Variants in GLI1 observed in about 807,000 individuals in gnomAD.
GLI1 encodes GLI family zinc finger 1.
Under a neutral mutation model 87.8 loss-of-function variants are expected in GLI1, and 51 were observed. The ratio of observed to expected loss-of-function variants is 0.58; its 90% CI spans 0.46 to 0.73. The LOEUF is 0.73. Ranked by LOEUF, GLI1 falls within the 30% of genes least tolerant of loss-of-function variation. GLI1 has a pLI of 0.00. For missense variants in GLI1, 1,292 were observed against 1,437.2 expected (o/e 0.90, Z 1.63); for synonymous variants, 528 against 558.2 (o/e 0.95, Z 0.76).
chr12:57,464,819 T>A lies in GLI1; in HGVS notation c.340T>A (p.Cys114Ser). 6.2e-7 allele frequency: 1 copy of A among 1,611,824 alleles called. No individual in the cohort carries two copies. Among genetic ancestry groups the A allele is most frequent in the Non-Finnish European group, 8.5e-7 (1 of 1,177,996 alleles). The change falls in exon 4 of 12, where the codon TGC becomes AGC. Residue 114 changes from cysteine (C) to serine (S), a missense_variant. Physicochemically the swap from Cys to Ser is moderately radical, Grantham distance 112 (BLOSUM62 -1). This residue lies in a region of GLI1 where 383 missense variants were observed against 368.4 expected (regional missense o/e 1.04). Coordinates refer to ENST00000228682, the MANE Select transcript of GLI1 (RefSeq NM_005269.3). ...SSLVAFINSR[C>S]TSPGGSYGHL... is the part of the protein sequence containing the mutation. ...CCTCGTAGCTTTCATCAACTCGCGA[T>A]GCACATCTCCAGGAGGCTCCTACGG...
chr12:57,464,439 T>A (rs1871339625), intron 3 of GLI1, among the ~76,000 whole-genome samples: 1 of 151,870 alleles, frequency 6.6e-6, no homozygotes, highest in African/African-American at 2.4e-5. Context: ...GGAGAATCAC[T>A]TGAACCTGGG....
In GLI1 at chr12:57,471,359, TC is replaced by T; in HGVS notation, c.2621del (p.Pro874LeufsTer72). The T allele has an allele frequency of 6.3e-7, 1 of 1,595,124 alleles. No homozygotes were observed. The highest frequency in any genetic ancestry group is 8.5e-7 in the Non-Finnish European group (1 of 1,170,914). On this transcript the variant is annotated frameshift_variant, in exon 12 of 12. Coordinates refer to ENST00000228682, the MANE Select transcript of GLI1 (RefSeq NM_005269.3). LOFTEE classifies it high-confidence loss of function. The surrounding 1 kb of genome is among the most constrained non-coding windows in gnomAD (Gnocchi z 4.9). ...ATACCCAGCCACCCCCTGATTATCTTCCTTCAGAACCCAGGCCTTGCCTGGA... is the reference window on the plus strand; with the variant it reads ...ATACCCAGCCACCCCCTGATTATCTTCTTCAGAACCCAGGCCTTGCCTGGA... ...PYTQPPPDYLPSEPRPCLDFD... is the reference protein window; with the variant it reads ...PYTQPPPDYLXSEPRPCLDFD...
At chr12:57,468,412 C>T (rs1407411575) in intron 10 of GLI1, among the ~76,000 whole-genome samples, 188 bp downstream of exon 10, 1 of 152,178 alleles carries the variant, frequency 6.6e-6, no homozygotes, top group East Asian at 1.9e-4. Context: ...CTTTCTGTCT[C>T]ACTCTCTCAC....
In GLI1 at chr12:57,464,727, T is replaced by A; in HGVS notation, c.248T>A (p.Leu83Gln). 1 of 1,614,080 alleles carries A rather than the reference T, an allele frequency of 6.2e-7. No homozygotes were observed. The highest frequency in any genetic ancestry group is 1.3e-5 in the African/African-American group (1 of 75,026). The change falls in exon 4 of 12, where the codon CTG (leucine) becomes CAG (glutamine). Residue 83 changes from leucine to glutamine, a missense_variant. This residue lies in a region of GLI1 where 383 missense variants were observed against 368.4 expected (regional missense o/e 1.04). Transcript: ENST00000228682. ...SAVKLTKKRA[L>Q]SISPLSDASL... is the part of the protein sequence containing the mutation. ...GTCAAGTTGACCAAGAAGCGGGCAC[T>A]GTCCATCTCACCTCTGTCGGATGCC...
intron 3 of GLI1, 134 bp downstream of exon 3, chr12:57,464,225 A>C (rs553681638): frequency 1.4e-6 from 1 of 707,724 alleles, no homozygotes; most frequent in South Asian, 1.6e-5. Context: ...ACCATCAAGA[A>C]GTCACAGATG....
chr12:57,471,355 A>G lies in GLI1; in HGVS notation c.2615A>G (p.Tyr872Cys), dbSNP rs1871923643. The change falls in exon 12 of 12, where the codon TAT (tyrosine) becomes TGT (cysteine). Residue 872 changes from tyrosine (Y) to cysteine (C), a missense_variant. Physicochemically the swap from Tyr to Cys is radical, Grantham distance 194. This residue lies in a region of GLI1 where 897 missense variants were observed against 1,040.7 expected (regional missense o/e 0.86). Coordinates refer to ENST00000228682, the MANE Select transcript of GLI1 (RefSeq NM_005269.3). The surrounding 1 kb of genome is among the most constrained non-coding windows in gnomAD (Gnocchi z 4.9). Reference protein sequence around the residue: ...SGPYTQPPPDYLPSEPRPCLD... With the variant: ...SGPYTQPPPDCLPSEPRPCLD... ...CCCTATACCCAGCCACCCCCTGATT[A>G]TCTTCCTTCAGAACCCAGGCCTTGC... 1 of 1,590,984 alleles carries G rather than the reference A, an allele frequency of 6.3e-7. No homozygotes were observed. The highest frequency in any genetic ancestry group is 1.4e-5 in the African/African-American group (1 of 73,550).
chr12:57,463,138 C>A (rs1439859904), intron 1 of GLI1, among the ~76,000 whole-genome samples: 2 of 152,136 alleles, frequency 1.3e-5, no homozygotes, highest in African/African-American at 2.4e-5. Flanking sequence ...CCAAGAAGAT[C>A]CCCAGAGTAC....
rs751225573 is a variant in GLI1 at position 57,468,223 on chromosome 12, T to C, written c.1307T>C (p.Met436Thr). 5 of 1,607,230 alleles carry C rather than the reference T, an allele frequency of 3.1e-6. No individual in the cohort carries two copies. The Admixed American group carries it at 5.0e-5, about 16-fold the overall frequency. ...AGACTGACTGTGCCAGAGGGTGCCA[T>C]GGTGAGAGAGCCCAGGCAACCCTCA... ...ESRLTVPEGA[M>T]KPQPSPGAQS... Residue 436 changes from methionine to threonine, a missense_variant and splice_region_variant, in exon 10 of 12, where the codon ATG (methionine) becomes ACG (threonine). Met to Thr is a moderately conservative substitution (Grantham distance 81). Around this residue, in one of 3 missense-constraint regions of GLI1, gnomAD observed 897 missense variants for 1,040.7 expected, o/e 0.86. Transcript: ENST00000228682.
rs375756845 is a variant in GLI1 at position 57,465,646 on chromosome 12, G to C, written c.574G>C (p.Glu192Gln). 1.2e-6 allele frequency: 2 copies of C among 1,614,062 alleles called. No homozygotes were observed. Among genetic ancestry groups the C allele is most frequent in the Non-Finnish European group, 1.7e-6 (2 of 1,180,018 alleles). The change falls in exon 6 of 12, where the codon GAG becomes CAG. Residue 192 changes from glutamate (E) to glutamine (Q), a missense_variant. By Grantham distance (29) the Glu-to-Gln change is conservative. Around this residue, in one of 3 missense-constraint regions of GLI1, gnomAD observed 383 missense variants for 368.4 expected, o/e 1.04. Coordinates refer to ENST00000228682, the MANE Select transcript of GLI1 (RefSeq NM_005269.3). The stretch of plus-strand genomic sequence containing the variant: ...GGACATGCTGGTTGGCAAGTGCCGG[G>C]AGGAACCCTTGGAAGGTGATATGTC... ...ELDMLVGKCR[E>Q]EPLEGDMSSP...
chr12:57,461,185 G>A (rs909940946), intron 1 of GLI1, among the ~76,000 whole-genome samples: 1 of 152,230 alleles, frequency 6.6e-6, no homozygotes, highest in Non-Finnish European at 1.5e-5. Flanking sequence ...TGGGGACTGA[G>A]GGTTTTAGGG....
intron 10 of GLI1, among the ~76,000 whole-genome samples, chr12:57,469,152 C>A (rs1565600605): frequency 1.3e-5 from 2 of 152,164 alleles, no homozygotes; most frequent in South Asian, 2.1e-4. Flanking sequence ...CTCACTGTTC[C>A]CATTTTCAGT....
chr12:57,464,694 G>C lies in GLI1; in HGVS notation c.215G>C (p.Arg72Pro), dbSNP rs760192848. The change falls in exon 4 of 12, where the codon CGG becomes CCG. Residue 72 changes from arginine to proline, a missense_variant. Arg to Pro is a moderately radical substitution (Grantham distance 103). This residue lies in a region of GLI1 where 383 missense variants were observed against 368.4 expected (regional missense o/e 1.04). Coordinates refer to ENST00000228682, the MANE Select transcript of GLI1 (RefSeq NM_005269.3). Reference protein sequence around the residue: ...CTEGPLFSSPRSAVKLTKKRA... With the variant: ...CTEGPLFSSPPSAVKLTKKRA... ...CCAGGCCCACTCTTTTCTTCTCCCC[G>C]GAGTGCAGTCAAGTTGACCAAGAAG... 1 of 1,613,868 alleles carries C rather than the reference G, an allele frequency of 6.2e-7. No individual in the cohort carries two copies. Among genetic ancestry groups the C allele is most frequent in the East Asian group, 2.2e-5 (1 of 44,882 alleles).
chr12:57,468,730 G>C (rs1236669517), intron 10 of GLI1, among the ~76,000 whole-genome samples: 2 of 151,430 alleles, frequency 1.3e-5, no homozygotes, highest in Non-Finnish European at 2.9e-5. Context: ...CCACAGTGCT[G>C]GGATGAGCCA....
chr12:57,471,805 G>A lies in GLI1; in HGVS notation c.3065G>A (p.Gly1022Asp). 1 of 1,562,800 alleles carries A rather than the reference G, an allele frequency of 6.4e-7. No homozygotes were observed. Among genetic ancestry groups the A allele is most frequent in the Non-Finnish European group, 8.7e-7 (1 of 1,153,954 alleles). The change falls in exon 12 of 12, where the codon GGT (glycine) becomes GAT (aspartate). Residue 1022 changes from glycine (G) to aspartate (D), a missense_variant. Gly to Asp is a moderately conservative substitution (Grantham distance 94, BLOSUM62 -1). Coordinates refer to ENST00000228682, the MANE Select transcript of GLI1 (RefSeq NM_005269.3). This position sits in a 1 kb window ranked among gnomAD's most constrained non-coding sequence, Gnocchi z 4.9. ...CCTGAGGTGGGCAGGCTAGGAGGGG[G>A]TCCTGCCTTGTACCCTCCTCCCGAA... ...GHPEVGRLGGGPALYPPPEGQ... is the reference protein window; with the variant it reads ...GHPEVGRLGGDPALYPPPEGQ...
chr12:57,465,579 A>T (rs1454911398), intron 5 of GLI1, 28 bp from the exon 6 acceptor site: 2 of 1,587,662 alleles, frequency 1.3e-6, no homozygotes, highest in Non-Finnish European at 1.7e-6. Context: ...TTCCACCCTC[A>T]TCACCGTCAC....
In GLI1 at chr12:57,471,764, C is replaced by T; in HGVS notation, c.3024C>T (p.Asn1008=). 5 of 1,568,344 alleles carry T rather than the reference C, an allele frequency of 3.2e-6. No homozygotes were observed. Among genetic ancestry groups the T allele is most frequent in the Non-Finnish European group, 2.6e-6 (3 of 1,156,832 alleles). Reference sequence around the variant, plus strand: ...GGCCTCTCAAAGTGGGAGGCACAAACCCCAGCTGTGGTCATCCTGAGGTGG... The same window carrying T: ...GGCCTCTCAAAGTGGGAGGCACAAATCCCAGCTGTGGTCATCCTGAGGTGG... The part of the protein sequence containing the change: ...CYGPLKVGGT[N]PSCGHPEVGR... The change falls in exon 12 of 12, where the codon AAC becomes AAT. Residue 1008 remains asparagine, a synonymous_variant. Coordinates refer to ENST00000228682, the MANE Select transcript of GLI1 (RefSeq NM_005269.3). This position sits in a 1 kb window ranked among gnomAD's most constrained non-coding sequence, Gnocchi z 4.9.
rs760909851 is a variant in GLI1, at chr12:57,471,453, C to G, written c.2713C>G (p.Gln905Glu). 1 of 1,613,574 alleles carries G rather than the reference C, an allele frequency of 6.2e-7. No individual in the cohort carries two copies. The highest frequency in any genetic ancestry group is 8.5e-7 in the Non-Finnish European group (1 of 1,179,652). Reference protein sequence around the residue: ...AQLVCNYVQSQQELLWEGGGR... With the variant: ...AQLVCNYVQSEQELLWEGGGR... ...GCTTGTGTGTAATTATGTTCAATCT[C>G]AACAGGAGCTACTGTGGGAGGGTGG... The change falls in exon 12 of 12, where the codon CAA becomes GAA. Residue 905 changes from glutamine to glutamate, a missense_variant. By Grantham distance (29) the Gln-to-Glu change is conservative (BLOSUM62 2). Around this residue, in one of 3 missense-constraint regions of GLI1, gnomAD observed 897 missense variants for 1,040.7 expected, o/e 0.86. Coordinates refer to ENST00000228682, the MANE Select transcript of GLI1 (RefSeq NM_005269.3). This position sits in a 1 kb window ranked among gnomAD's most constrained non-coding sequence, Gnocchi z 4.9.
At position 57,463,705 on chromosome 12, in the gene GLI1, T is replaced by A. The variant is rs1871295658; in HGVS notation, c.14T>A (p.Met5Lys). The A allele has an allele frequency of 5.6e-6, 9 of 1,611,284 alleles. No homozygotes were observed. In the East Asian group the frequency reaches 2.0e-4, roughly 36 times the overall value. Residue 5 changes from methionine (M) to lysine (K), a missense_variant, in exon 2 of 12, where the codon ATG becomes AAG. By Grantham distance (95) the Met-to-Lys change is moderately conservative. Transcript: ENST00000228682. MFNS[M>K]TPPPISSYGE... is the part of the protein sequence containing the mutation. Reference sequence around the variant, plus strand: ...CTCTGAGACGCCATGTTCAACTCGATGACCCCACCACCAATCAGTAGCTAT... The same window carrying A: ...CTCTGAGACGCCATGTTCAACTCGAAGACCCCACCACCAATCAGTAGCTAT...
chr12:57,471,621 T>C lies in GLI1; in HGVS notation c.2881T>C (p.Ser961Pro). ...GFGPNLPNHK[S>P]GSYPTPSPCH... is the part of the protein sequence containing the mutation. ...TGGACCCAACTTGCCCAATCACAAG[T>C]CAGGTTCCTATCCCACCCCTTCACC... is the stretch of plus-strand genomic sequence containing the variant. The change falls in exon 12 of 12, where the codon TCA becomes CCA. Residue 961 changes from serine (S) to proline (P), a missense_variant. By Grantham distance (74) the Ser-to-Pro change is moderately conservative. Around this residue, in one of 3 missense-constraint regions of GLI1, gnomAD observed 897 missense variants for 1,040.7 expected, o/e 0.86. Coordinates refer to ENST00000228682, the MANE Select transcript of GLI1 (RefSeq NM_005269.3). The surrounding 1 kb of genome is among the most constrained non-coding windows in gnomAD (Gnocchi z 4.9). 1 of 1,613,824 alleles carries C rather than the reference T, an allele frequency of 6.2e-7. No individual in the cohort carries two copies. The highest frequency in any genetic ancestry group is 8.5e-7 in the Non-Finnish European group (1 of 1,179,916).
Sources: allele counts gnomAD v4.1 joint callset (sites outside exome capture counted in the v4.1 genomes callset), GRCh38; gene constraint gnomAD v4.1.1; regional missense constraint gnomAD v4.1.1; non-coding constraint Gnocchi (gnomAD v3.1); transcripts MANE v1.5; gene names NCBI Gene and HGNC (gene_info 2026-07-23, HGNC 2026-07-21).